Variants in BCL2 observed in about 807,000 individuals in gnomAD.
BCL2 encodes BCL2 apoptosis regulator.
In BCL2, 1 loss-of-function variant was observed where a neutral mutation model predicts 14.2. The observed-to-expected ratio is 0.07, with a 90% CI of 0.02 to 0.33. BCL2 has a LOEUF of 0.33. BCL2 is among the 10% of genes least tolerant of loss of function. BCL2 has a pLI of 0.99. For synonymous variants in BCL2, 151 were observed against 137.2 expected (o/e 1.10, Z -0.70); for missense variants, 247 against 305.9 (o/e 0.81, Z 1.44).
chr18:63,271,360 C>T (rs1450195436), intron 2 of BCL2, among the ~76,000 whole-genome samples: 1 of 152,070 alleles, frequency 6.6e-6, no homozygotes, highest in African/African-American at 2.4e-5. Flanking sequence ...GACACGTGTT[C>T]TAATTAACAC....
At chr18:63,274,529 C>G (rs1406891236) in intron 2 of BCL2, among the ~76,000 whole-genome samples, 5 of 152,086 alleles carry the variant, frequency 3.3e-5, no homozygotes, top group Non-Finnish European at 4.4e-5. Flanking sequence ...AAGTGATCTG[C>G]CCATCTTGGA....
chr18:63,220,733 T>A (rs781762638), intron 2 of BCL2, among the ~76,000 whole-genome samples: 2 of 150,926 alleles, frequency 1.3e-5, no homozygotes, highest in Non-Finnish European at 2.9e-5. Flanking sequence ...CAAAAGGAGC[T>A]AGAAAAGGTG....
At chr18:63,133,962 C>T (rs992731513) in intron 2 of BCL2, among the ~76,000 whole-genome samples, 1 of 152,136 alleles carries the variant, frequency 6.6e-6, no homozygotes, top group Non-Finnish European at 1.5e-5. Flanking sequence ...AAGTCATACC[C>T]TATAGTTATT....
At chr18:63,253,774 CTCAG>C (rs1216210155) in intron 2 of BCL2, among the ~76,000 whole-genome samples, 1 of 151,214 alleles carries the variant, frequency 6.6e-6, no homozygotes, top group African/African-American at 2.4e-5. Context: ...AAAGATGATT[CTCAG>C]TAAATTGTGG....
intron 2 of BCL2, among the ~76,000 whole-genome samples, chr18:63,199,224 C>A (rs565375021): frequency 4.6e-4 from 69 of 149,482 alleles, no homozygotes; most frequent in African/African-American, 1.6e-3. Flanking sequence ...AACACACACA[C>A]TACACAACAC....
intron 2 of BCL2, among the ~76,000 whole-genome samples, chr18:63,210,990 T>C (rs1909982827): frequency 6.6e-6 from 1 of 152,070 alleles, no homozygotes; most frequent in Non-Finnish European, 1.5e-5. Context: ...TGCTCTGTCC[T>C]TGCTTTCCGC....
At chr18:63,251,471 G>A (rs1485295546) in intron 2 of BCL2, among the ~76,000 whole-genome samples, 2 of 151,506 alleles carry the variant, frequency 1.3e-5, no homozygotes, top group African/African-American at 4.8e-5. Context: ...GTGAAACCCC[G>A]TCTCTACTAA....
At chr18:63,199,182 TACAC>T (rs1021708673) in intron 2 of BCL2, among the ~76,000 whole-genome samples, 26 of 123,512 alleles carry the variant, frequency 2.1e-4, no homozygotes, top group Middle Eastern at 0.015. Flanking sequence ...CATAGACACA[TACAC>T]AGACACGCAC....
chr18:63,273,485 A>G (rs1322155092), intron 2 of BCL2, among the ~76,000 whole-genome samples: 2 of 152,242 alleles, frequency 1.3e-5, no homozygotes, highest in Admixed American at 6.5e-5. Flanking sequence ...TGAAGGTTAA[A>G]GGCAAACCAA....
At chr18:63,230,297 A>G (rs1316178397) in intron 2 of BCL2, among the ~76,000 whole-genome samples, 1 of 152,212 alleles carries the variant, frequency 6.6e-6, no homozygotes, top group African/African-American at 2.4e-5. Context: ...AAAGTAAAAC[A>G]TATTTAGGAC....
chr18:63,293,673 G>A (rs1335390744), intron 2 of BCL2, among the ~76,000 whole-genome samples: 1 of 152,124 alleles, frequency 6.6e-6, no homozygotes, highest in Non-Finnish European at 1.5e-5. Context: ...GGGGCTGGGG[G>A]GAGACAAGTA....
At chr18:63,154,471 C>G (rs1239567509) in intron 2 of BCL2, among the ~76,000 whole-genome samples, 1 of 152,112 alleles carries the variant, frequency 6.6e-6, no homozygotes, top group African/African-American at 2.4e-5. Context: ...GCGAGCTGGC[C>G]CTGACCCACG....
At chr18:63,298,158 G>A (rs1298012494) in intron 2 of BCL2, among the ~76,000 whole-genome samples, 1 of 152,304 alleles carries the variant, frequency 6.6e-6, no homozygotes, top group Non-Finnish European at 1.5e-5. Flanking sequence ...AGTGTCCTCT[G>A]GGGTAAATGA....
intron 2 of BCL2, among the ~76,000 whole-genome samples, chr18:63,170,212 GA>G (rs2144630054): frequency 6.6e-6 from 1 of 152,084 alleles, no homozygotes; most frequent in African/African-American, 2.4e-5. Context: ...TACTATATAC[GA>G]CATGCTTAAA....
At chr18:63,294,131 C>T (rs1268687854) in intron 2 of BCL2, among the ~76,000 whole-genome samples, 1 of 152,086 alleles carries the variant, frequency 6.6e-6, no homozygotes, top group Non-Finnish European at 1.5e-5. Flanking sequence ...TAGACCAAAC[C>T]TTCTGCCACA....
chr18:63,145,353 GGGGCTTCCCTGGCC>G (rs1914481476), intron 2 of BCL2, among the ~76,000 whole-genome samples: 1 of 118,984 alleles, frequency 8.4e-6, no homozygotes, highest in African/African-American at 4.3e-5. Flanking sequence ...GGGGATACAG[GGGGCTTCCCTGGCC>G]ACTCGCCCCA....
intron 2 of BCL2, among the ~76,000 whole-genome samples, chr18:63,174,529 G>A (rs1458861986): frequency 6.6e-6 from 1 of 152,116 alleles, no homozygotes; most frequent in Non-Finnish European, 1.5e-5. Context: ...GTTATAAAGA[G>A]CATAAAGAGG....
intron 2 of BCL2, among the ~76,000 whole-genome samples, chr18:63,210,541 T>A (rs1337115484): frequency 6.6e-6 from 1 of 152,198 alleles, no homozygotes; most frequent in Non-Finnish European, 1.5e-5. Context: ...TATCCACATG[T>A]CTATGAGCAC....
At chr18:63,206,774 G>C (rs758218192) in intron 2 of BCL2, among the ~76,000 whole-genome samples, 15 of 151,228 alleles carry the variant, frequency 9.9e-5, no homozygotes, top group Admixed American at 4.6e-4. Flanking sequence ...GTGTGGGTGG[G>C]AAGAGCACAG....
Sources: allele counts gnomAD v4.1 joint callset (sites outside exome capture counted in the v4.1 genomes callset), GRCh38; gene constraint gnomAD v4.1.1; transcripts MANE v1.5; gene names NCBI Gene and HGNC (gene_info 2026-07-23, HGNC 2026-07-21).